The following FKTN variants were observed in gnomAD, a reference collection of about 807,000 sequenced individuals.
FKTN encodes fukutin.
A neutral mutation model predicts 58.6 loss-of-function variants in FKTN; 47 were observed. The observed-to-expected ratio is 0.80, with a 90% confidence interval of 0.63 to 1.02. The LOEUF (loss-of-function observed/expected upper bound fraction) is 1.02. Ranked by LOEUF, FKTN falls within the 50% of genes least tolerant of loss-of-function variation. FKTN has a pLI of 0.00. For missense variants in FKTN, 516 were observed against 537.3 expected (o/e 0.96, Z 0.39); for synonymous variants, 178 against 191.9 (o/e 0.93, Z 0.60).
intron 10 of FKTN, among the ~76,000 whole-genome samples, chr9:105,623,756 C>A (rs2133284027): frequency 1.3e-5 from 2 of 152,192 alleles, no homozygotes; most frequent in East Asian, 3.9e-4. Context: ...ATCTCATGAT[C>A]TAGACCATGA....
intron 3 of FKTN, 123 bp downstream of exon 3, chr9:105,575,260 G>C (rs1841460585): frequency 1.4e-6 from 1 of 695,470 alleles, no homozygotes; most frequent in Non-Finnish European, 2.6e-6. Flanking sequence ...TCTTTGCGAG[G>C]TGTGGCAAAC....
chr9:105,563,412 G>C (rs933022367), intron 1 of FKTN, among the ~76,000 whole-genome samples: 2 of 152,184 alleles, frequency 1.3e-5, no homozygotes, highest in Non-Finnish European at 2.9e-5. Context: ...CCAAGGGAAG[G>C]GGGGACAAAT....
intron 10 of FKTN, among the ~76,000 whole-genome samples, chr9:105,624,804 T>C (rs1832551510): frequency 6.6e-6 from 1 of 152,146 alleles, no homozygotes; most frequent in Non-Finnish European, 1.5e-5. Context: ...TAGACACTTA[T>C]TATATAGAGA....
intron 3 of FKTN, among the ~76,000 whole-genome samples, chr9:105,592,474 TA>T (rs1376008113): frequency 6.6e-6 from 1 of 151,982 alleles, no homozygotes; most frequent in Non-Finnish European, 1.5e-5. Context: ...CTGTCTCTAC[TA>T]AAAATACAAA....
At chr9:105,628,020 C>T (rs1832945430) in intron 10 of FKTN, among the ~76,000 whole-genome samples, 1 of 152,170 alleles carries the variant, frequency 6.6e-6, no homozygotes, top group Non-Finnish European at 1.5e-5. Flanking sequence ...AATCATTCTG[C>T]TTCACAAGAA....
intron 10 of FKTN, among the ~76,000 whole-genome samples, chr9:105,628,706 T>G (rs1229589723): frequency 6.6e-6 from 1 of 152,206 alleles, no homozygotes; most frequent in South Asian, 2.1e-4. Context: ...TTATGATATA[T>G]TCAAACAATG....
intron 4 of FKTN, chr9:105,597,989 T>A: frequency 2.9e-6 from 1 of 341,624 alleles, no homozygotes; most frequent in Non-Finnish European, 6.0e-6. Context: ...TCAGAGAAAG[T>A]ACAGGTTCAC....
intron 3 of FKTN, among the ~76,000 whole-genome samples, chr9:105,590,832 C>G (rs555405661): frequency 1.3e-5 from 2 of 152,290 alleles, no homozygotes; most frequent in Admixed American, 6.5e-5. Flanking sequence ...GCTCATGGTT[C>G]TGCAGGCTGT....
chr9:105,637,480 A>G lies in FKTN; in HGVS notation c.*2216A>G. 4 of 985,464 alleles carry G rather than the reference A, an allele frequency of 4.1e-6. No individual in the cohort carries two copies. The highest frequency in any genetic ancestry group is 4.8e-6 in the Non-Finnish European group (4 of 829,936). The allele number at this position is 985,464 out of a possible 1,614,324, so 61.0% of individuals were successfully genotyped here. A position where few individuals can be genotyped will look rare whatever the true frequency, so the allele number is the denominator to read the frequency against. On this transcript the variant is annotated 3_prime_UTR_variant, in exon 11 of 11. Coordinates refer to ENST00000357998, the MANE Select transcript of FKTN (RefSeq NM_001079802.2). The stretch of plus-strand genomic sequence containing the variant: ...TGGGGAAACAAAAGCCTTCTCTAGA[A>G]TCTGAAGGCCAGGCTTACCTCTGAT...
At chr9:105,567,299 G>A (rs1200037404) in intron 1 of FKTN, among the ~76,000 whole-genome samples, 1 of 152,110 alleles carries the variant, frequency 6.6e-6, no homozygotes, top group East Asian at 1.9e-4. Context: ...TCTGGCCAGG[G>A]CAATCAGGCA....
At position 105,619,934 on chromosome 9, in the gene FKTN, G is replaced by A. The variant is rs1831549660; in HGVS notation, c.1045G>A (p.Val349Ile). ...GLPLKHKFGK[V>I]EDSLELSFQG... is the part of the protein sequence containing the mutation. ...GTGAAGGTTTTCATCTTCCCCATAGGTAGAAGACAGCTTGGAACTATCCTT... is the reference window on the plus strand; with the variant it reads ...GTGAAGGTTTTCATCTTCCCCATAGATAGAAGACAGCTTGGAACTATCCTT... The change falls in exon 10 of 11, where the codon GTA becomes ATA. Residue 349 changes from valine (V) to isoleucine (I), a missense_variant and splice_region_variant. Transcript: ENST00000357998. 6.2e-7 allele frequency: 1 copy of A among 1,611,344 alleles called. No individual in the cohort carries two copies. The highest frequency in any genetic ancestry group is 1.7e-4 in the Middle Eastern group (1 of 6,054).
intron 3 of FKTN, among the ~76,000 whole-genome samples, chr9:105,591,830 AG>A (rs1263194891): frequency 3.3e-5 from 5 of 152,198 alleles, no homozygotes; most frequent in Admixed American, 6.5e-5. Context: ...CTGGACATCC[AG>A]GCTTTTCCAT....
intron 3 of FKTN, among the ~76,000 whole-genome samples, chr9:105,581,505 G>A (rs1241271335): frequency 1.3e-5 from 2 of 151,192 alleles, no homozygotes; most frequent in Admixed American, 6.6e-5. Flanking sequence ...GGACCCACTT[G>A]AGGAGGCAGT....
intron 10 of FKTN, among the ~76,000 whole-genome samples, chr9:105,621,563 C>A (rs753124120): frequency 1.5e-4 from 23 of 151,806 alleles, no homozygotes; most frequent in Non-Finnish European, 3.2e-4. Flanking sequence ...TTCTAGTTGC[C>A]CTTTACAGAG....
Position 105,635,054 on chromosome 9 carries a change from C to A in FKTN, c.1176C>A (p.Tyr392Ter), listed in dbSNP as rs1203741361. 1.4e-5 allele frequency: 22 copies of A among 1,613,868 alleles called. No homozygotes were observed. Among genetic ancestry groups the A allele is most frequent in the Non-Finnish European group, 1.9e-5 (22 of 1,179,822 alleles). ...TQAKTGKKFKYLFPKFTLCWT... is the reference protein window; with the variant it reads ...TQAKTGKKFK ...TAATCCCTCTGTTTTGCTGCAGATA[C>A]CTGTTTCCGAAGTTTACACTGTGCT... Residue 392 changes from tyrosine to a stop codon, truncating the protein, a stop_gained, in exon 11 of 11, where the codon TAC (tyrosine) becomes TAA (stop). Transcript: ENST00000357998. LOFTEE classifies it high-confidence loss of function.
chr9:105,564,189 A>C lies in FKTN; in HGVS notation c.-181+6024A>C, dbSNP rs570639166. On this transcript the variant is annotated intron_variant, in intron 1 of 10. Transcript: ENST00000357998. ...AGACCAAAAGTAGATAAAACCACAAAGATGGGGAAAAAACAGAGCAGAAAA... is the reference window on the plus strand; with the variant it reads ...AGACCAAAAGTAGATAAAACCACAACGATGGGGAAAAAACAGAGCAGAAAA... 3.9e-5 allele frequency among the ~76,000 whole-genome samples: 6 copies of C among 152,340 alleles called. No homozygotes were observed. In the South Asian group the frequency reaches 8.3e-4, roughly 21 times the overall value.
At chr9:105,594,090 GA>G (rs1170120867) in intron 3 of FKTN, among the ~76,000 whole-genome samples, 1 of 152,134 alleles carries the variant, frequency 6.6e-6, no homozygotes, top group African/African-American at 2.4e-5. Flanking sequence ...ATCCATCAGA[GA>G]AAGAAAAATT....
chr9:105,607,768 C>T lies in FKTN; in HGVS notation c.648-51C>T, dbSNP rs1311202466. The T allele has an allele frequency of 1.9e-6, 3 of 1,547,378 alleles. No individual in the cohort carries two copies. In the Admixed American group the frequency reaches 5.0e-5, roughly 26 times the overall value. ...ATTAGGTATTTGTCCTAATGTTCTC[C>T]CTCCCTGTTTCCCCCACCCCTCATT... On this transcript the variant is annotated intron_variant, in intron 6 of 10. Transcript: ENST00000357998.
intron 2 of FKTN, chr9:105,574,112 G>A (rs1288800707): frequency 6.6e-6 from 1 of 152,132 alleles, no homozygotes; most frequent in Admixed American, 6.5e-5. Context: ...ACTGTAACAT[G>A]TAGAAATAAT....
Sources: allele counts gnomAD v4.1 joint callset (sites outside exome capture counted in the v4.1 genomes callset), GRCh38; gene constraint gnomAD v4.1.1; transcripts MANE v1.5; gene names NCBI Gene and HGNC (gene_info 2026-07-23, HGNC 2026-07-21).